COL18A1: variants seen among roughly 807,000 people sequenced by gnomAD.
COL18A1 encodes collagen type XVIII alpha 1 chain, also known as collagen alpha-1(XVIII) chain.
COL18A1 carries 133 observed loss-of-function variants against 168.0 expected under a neutral mutation model. The observed-to-expected ratio is 0.79, with a 90% CI of 0.69 to 0.91. The LOEUF is 0.91. Among genes scored for constraint, COL18A1 ranks in the 40% least tolerant of loss-of-function variants. The pLI, the probability that COL18A1 is intolerant of heterozygous loss-of-function variation, is 0.00. For synonymous variants in COL18A1, 949 were observed against 809.0 expected (o/e 1.17, Z -2.94); for missense variants, 2,126 against 1,925.4 (o/e 1.10, Z -1.95).
At chr21:45,426,322 C>G (rs1211874312) in intron 2 of COL18A1, among the ~76,000 whole-genome samples, 3 of 152,294 alleles carry the variant, frequency 2.0e-5, no homozygotes, top group East Asian at 3.9e-4. Context: ...CCAGGCTGGT[C>G]TCGAACTCCT....
intron 2 of COL18A1, among the ~76,000 whole-genome samples, chr21:45,411,784 T>G (rs1160936701): frequency 2.9e-4 from 34 of 118,158 alleles, no homozygotes; most frequent in East Asian, 1.9e-3. Context: ...GGGCAGGCTG[T>G]GGTCAGGGAC....
In COL18A1 at chr21:45,505,421, C is replaced by A. The variant is rs557054483; in HGVS notation, c.3077C>A (p.Ala1026Asp). The change falls in exon 36 of 42, where the codon GCC becomes GAC. Residue 1026 changes from alanine to aspartate, a missense_variant. Physicochemically the swap from Ala to Asp is moderately radical, Grantham distance 126. Transcript: ENST00000651438. Reference protein sequence around the residue: ...GPPGPPGTMGASSGVRLWATR... With the variant: ...GPPGPPGTMGDSSGVRLWATR... The stretch of plus-strand genomic sequence containing the variant: ...CCTGGGCCCCCTGGAACCATGGGCG[C>A]CTCCTCAGGGGTAAGTGTCTGGGCA... 1 of 1,555,054 alleles carries A rather than the reference C, an allele frequency of 6.4e-7. No homozygotes were observed. Among genetic ancestry groups the A allele is most frequent in the South Asian group, 1.1e-5 (1 of 87,908 alleles).
chr21:45,499,429 G>A (rs952246095), intron 32 of COL18A1, among the ~76,000 whole-genome samples: 1 of 151,304 alleles, frequency 6.6e-6, no homozygotes, highest in Admixed American at 6.6e-5. Flanking sequence ...GGGGTCAGAG[G>A]CTCCCGCGGG....
chr21:45,441,075 C>G (rs2034358117), intron 2 of COL18A1, among the ~76,000 whole-genome samples: 2 of 152,228 alleles, frequency 1.3e-5, no homozygotes, highest in African/African-American at 4.8e-5. Flanking sequence ...GCTCCAAGCT[C>G]TGCCCACCGC....
At chr21:45,470,457 A>T (rs1168947274) in intron 3 of COL18A1, among the ~76,000 whole-genome samples, 35 of 24,160 alleles carry the variant, frequency 1.4e-3, no homozygotes, top group Non-Finnish European at 1.7e-3. Context: ...GACTATTGGG[A>T]TTGGATGTGT....
intron 32 of COL18A1, among the ~76,000 whole-genome samples, chr21:45,503,613 A>ATAT (rs972750550): frequency 2.3e-5 from 3 of 128,854 alleles, no homozygotes; most frequent in Middle Eastern, 4.5e-3. Flanking sequence ...AGGAAGGGGA[A>ATAT]CATCACACTC....
intron 34 of COL18A1, 30 bp from the exon 35 acceptor site, chr21:45,505,104 C>G (rs2037112470): frequency 1.9e-6 from 3 of 1,602,752 alleles, no homozygotes; most frequent in Non-Finnish European, 2.5e-6. Flanking sequence ...CACGAGGTAA[C>G]CAGGAAGCGT....
At chr21:45,483,766 G>T (rs1411679350) in intron 15 of COL18A1, among the ~76,000 whole-genome samples, 1 of 152,236 alleles carries the variant, frequency 6.6e-6, no homozygotes, top group Non-Finnish European at 1.5e-5. Context: ...AGGAAGGCCA[G>T]TGGGGAGAGG....
chr21:45,455,510 A>C, intron 2 of COL18A1: 1 of 1,611,188 alleles, frequency 6.2e-7, no homozygotes, highest in African/African-American at 1.3e-5. Context: ...CGCCGCCCGC[A>C]GCTCCAGCCG....
chr21:45,497,903 C>CAGATGGCT (rs2036596661), intron 32 of COL18A1: 1 of 612,442 alleles, frequency 1.6e-6, no homozygotes, highest in Admixed American at 2.9e-5. Flanking sequence ...TCCTGAGGAG[C>CAGATGGCT]AGATGGCTGC....
intron 7 of COL18A1, 59 bp downstream of exon 7, chr21:45,477,546 G>A: frequency 1.3e-6 from 2 of 1,496,132 alleles, no homozygotes; most frequent in East Asian, 2.4e-5. Context: ...GTGGCCTTTT[G>A]GGCCACTCAC....
chr21:45,422,515 C>G, intron 2 of COL18A1: 1 of 524,950 alleles, frequency 1.9e-6, no homozygotes, highest in Non-Finnish European at 3.9e-6. Context: ...GCTGCCTGGC[C>G]TGACGCACCT....
In COL18A1 at chr21:45,476,372, C is replaced by T; in HGVS notation, c.820C>T (p.Leu274Phe). The change falls in exon 6 of 42, where the codon CTC becomes TTC. Residue 274 changes from leucine (L) to phenylalanine (F), a missense_variant. By Grantham distance (22) the Leu-to-Phe change is conservative. Coordinates refer to ENST00000651438, the MANE Select transcript of COL18A1 (RefSeq NM_001379500.1). ...CCAGGGCGCGGCCCTAAAACCCAGG[C>T]TCCCCGCGCCACCCCCCGTCACCAC... Reference protein sequence around the residue: ...EETGAALKPRLPAPPPVTTPP... With the variant: ...EETGAALKPRFPAPPPVTTPP... 1 of 1,614,122 alleles carries T rather than the reference C, an allele frequency of 6.2e-7. No individual in the cohort carries two copies. The highest frequency in any genetic ancestry group is 1.1e-5 in the South Asian group (1 of 91,078).
chr21:45,416,858 G>A (rs565021810), intron 2 of COL18A1, among the ~76,000 whole-genome samples: 63 of 152,052 alleles, frequency 4.1e-4, no homozygotes, highest in Non-Finnish European at 4.9e-4. Context: ...GCATATGCTC[G>A]TTCTGCATAT....
rs367609600 is a variant in COL18A1, at chr21:45,455,501, G to A, written c.107-12741G>A. 95 of 1,609,500 alleles carry A rather than the reference G, an allele frequency of 5.9e-5. No homozygotes were observed. In the African/African-American group the frequency reaches 8.1e-4, roughly 14 times the overall value. On this transcript the variant is annotated intron_variant, in intron 2 of 41. Coordinates refer to ENST00000651438, the MANE Select transcript of COL18A1 (RefSeq NM_001379500.1). Reference sequence around the variant, plus strand: ...CACCTCCAGGCACAGAGGCCCTCCCGCCGCCCGCAGCTCCAGCCGCACTGC... The same window carrying A: ...CACCTCCAGGCACAGAGGCCCTCCCACCGCCCGCAGCTCCAGCCGCACTGC...
intron 2 of COL18A1, among the ~76,000 whole-genome samples, chr21:45,417,719 C>G (rs1325639591): frequency 6.6e-6 from 1 of 152,208 alleles, no homozygotes; most frequent in Non-Finnish European, 1.5e-5. Context: ...TGGTTTGGCC[C>G]AAATCCTCTG....
At chr21:45,417,010 T>C (rs972136471) in intron 2 of COL18A1, among the ~76,000 whole-genome samples, 3 of 152,224 alleles carry the variant, frequency 2.0e-5, no homozygotes, top group Non-Finnish European at 2.9e-5. Context: ...TACCCTTCTG[T>C]TTTCAGCAGA....
In COL18A1 at chr21:45,407,772, G is replaced by A. The variant is rs1165237830; in HGVS notation, c.106+2299G>A. ...TGCCTCCCTGCAGCCCCCAGAAGATGCATGTCCTGCCCCTGCTCACCACTA... is the reference window on the plus strand; with the variant it reads ...TGCCTCCCTGCAGCCCCCAGAAGATACATGTCCTGCCCCTGCTCACCACTA... On this transcript the variant is annotated intron_variant, in intron 2 of 41. Transcript: ENST00000651438. 2.0e-5 allele frequency among the ~76,000 whole-genome samples: 3 copies of A among 152,318 alleles called. No individual in the cohort carries two copies. In the East Asian group the frequency reaches 5.8e-4, roughly 29 times the overall value.
intron 2 of COL18A1, among the ~76,000 whole-genome samples, chr21:45,430,016 T>A (rs1436197687): frequency 7.8e-6 from 1 of 128,014 alleles, no homozygotes; most frequent in East Asian, 2.6e-4. Flanking sequence ...GTCATGGTTT[T>A]GGGGCCCCCC....
Sources: gnomAD v4.1 joint callset for allele counts (sites outside exome capture counted in the v4.1 genomes callset) on GRCh38, gnomAD v4.1.1 for gene constraint, MANE v1.5 for transcripts, NCBI Gene and HGNC (gene_info 2026-07-23, HGNC 2026-07-21) for gene names.